The following CD86 variants were observed in gnomAD, a reference collection of about 807,000 sequenced individuals.
CD86 encodes the protein T-lymphocyte activation antigen CD86.
CD86 carries 11 observed loss-of-function variants against 32.1 expected under a neutral mutation model. The observed-to-expected ratio is 0.34, with a 90% CI of 0.22 to 0.57. The LOEUF (loss-of-function observed/expected upper bound fraction) is 0.57. Among genes scored for constraint, CD86 ranks in the 20% least tolerant of loss-of-function variants. The pLI is 0.86. For synonymous variants in CD86, 137 were observed against 135.3 expected (o/e 1.01, Z -0.09); for missense variants, 359 against 398.4 (o/e 0.90, Z 0.84).
intron 1 of CD86, among the ~76,000 whole-genome samples, chr3:122,069,261 T>C (rs2072456238): frequency 6.6e-6 from 1 of 151,550 alleles, no homozygotes; most frequent in African/African-American, 2.4e-5. Context: ...GTTAAGCATT[T>C]GTTAATTGAA....
At chr3:122,086,680 A>C in intron 1 of CD86, 1 of 452,272 alleles carries the variant, frequency 2.2e-6, no homozygotes, top group Non-Finnish European at 4.4e-6. Flanking sequence ...TGTTTGCAGA[A>C]TGAACAGCAG....
intron 2 of CD86, among the ~76,000 whole-genome samples, chr3:122,101,443 T>C (rs1413501846): frequency 1.4e-5 from 2 of 146,618 alleles, no homozygotes; most frequent in Non-Finnish European, 3.0e-5. Flanking sequence ...TAGACTGGTC[T>C]GTGAGTGGAC....
intron 1 of CD86, among the ~76,000 whole-genome samples, chr3:122,075,173 G>C (rs184028489): frequency 3.0e-4 from 45 of 152,204 alleles, no homozygotes; most frequent in Admixed American, 2.7e-3. Context: ...TTTAACAAAA[G>C]TGATCTTGTT....
chr3:122,117,774 T>C (rs890587996), intron 5 of CD86, among the ~76,000 whole-genome samples: 1 of 152,240 alleles, frequency 6.6e-6, no homozygotes, highest in African/African-American at 2.4e-5. Flanking sequence ...CCAATGGTAT[T>C]TTTTGGTTAG....
At chr3:122,077,227 G>A (rs1302899357) in intron 1 of CD86, among the ~76,000 whole-genome samples, 1 of 152,178 alleles carries the variant, frequency 6.6e-6, no homozygotes, top group East Asian at 1.9e-4. Flanking sequence ...TCACATACGA[G>A]TGAAACCTGT....
At position 122,055,390 on chromosome 3, in the gene CD86, G is replaced by A; in HGVS notation, c.-100G>A. Reference sequence around the variant, plus strand: ...CATTGCCGAGGAAGGCTTGCACAGGGTGAAAGCTTTGCTTCTCTGCTGCTG... The same window carrying A: ...CATTGCCGAGGAAGGCTTGCACAGGATGAAAGCTTTGCTTCTCTGCTGCTG... On this transcript the variant is annotated 5_prime_UTR_variant, in exon 1 of 7. In the 5' UTR this introduces an upstream ATG that the reference lacks. Transcript: ENST00000330540. 2.5e-6 allele frequency: 3 copies of A among 1,206,060 alleles called. 1 individual carries two copies. The highest frequency in any genetic ancestry group is 1.2e-5 in the South Asian group (1 of 81,558). The allele number at this position is 1,206,060 out of a possible 1,614,324, so 74.7% of individuals were successfully genotyped here.
chr3:122,105,043 T>C (rs1467203378), intron 3 of CD86, among the ~76,000 whole-genome samples: 1 of 152,082 alleles, frequency 6.6e-6, no homozygotes, highest in African/African-American at 2.4e-5. Context: ...AAAGTAAAAA[T>C]AGAATGGAGA....
In CD86 at chr3:122,103,796, C is replaced by T. The variant is rs1173409054; in HGVS notation, c.349C>T (p.Pro117Ser). ...TCAATGTATCATCCATCACAAAAAG[C>T]CCACAGGAATGATTCGCATCCACCA... ...LYQCIIHHKK[P>S]TGMIRIHQMN... Residue 117 changes from proline to serine, a missense_variant, in exon 3 of 7, where the codon CCC becomes TCC. Transcript: ENST00000330540. 1.2e-6 allele frequency: 2 copies of T among 1,613,974 alleles called. No homozygotes were observed. The highest frequency in any genetic ancestry group is 3.3e-5 in the Admixed American group (2 of 60,008).
At chr3:122,058,043 G>C (rs1471069930) in intron 1 of CD86, among the ~76,000 whole-genome samples, 1 of 152,146 alleles carries the variant, frequency 6.6e-6, no homozygotes, top group Non-Finnish European at 1.5e-5. Context: ...TGGGAGTATG[G>C]TAATATGTCG....
At chr3:122,084,230 G>T (rs2072680516) in intron 1 of CD86, among the ~76,000 whole-genome samples, 1 of 152,152 alleles carries the variant, frequency 6.6e-6, no homozygotes, top group Admixed American at 6.5e-5. Context: ...CAGGTAATCT[G>T]CCCACCTCGG....
chr3:122,062,033 AT>A (rs1440843286), intron 1 of CD86, among the ~76,000 whole-genome samples: 3 of 152,136 alleles, frequency 2.0e-5, no homozygotes, highest in African/African-American at 7.2e-5. Context: ...TTCCCTGTAC[AT>A]TTTTTCAACT....
intron 1 of CD86, among the ~76,000 whole-genome samples, chr3:122,080,826 C>A (rs1015900234): frequency 6.6e-6 from 1 of 152,152 alleles, no homozygotes; most frequent in East Asian, 1.9e-4. Context: ...GGATGGAGGA[C>A]GTCTCCACCT....
intron 3 of CD86, among the ~76,000 whole-genome samples, chr3:122,104,659 T>C (rs1279117084): frequency 6.6e-6 from 1 of 152,212 alleles, no homozygotes; most frequent in Non-Finnish European, 1.5e-5. Context: ...TCCTATAGTT[T>C]TGTCTTTTTG....
At position 122,070,094 on chromosome 3, in the gene CD86, T is replaced by G. The variant is rs534853855; in HGVS notation, c.14+14591T>G. Among the ~76,000 whole-genome samples the G allele has an allele frequency of 2.0e-5, 3 of 152,338 alleles. No homozygotes were observed. In the South Asian group the frequency reaches 6.2e-4, roughly 32 times the overall value. On this transcript the variant is annotated intron_variant, in intron 1 of 6. Coordinates refer to ENST00000330540, the MANE Select transcript of CD86 (RefSeq NM_175862.5). ...GTGTATTTTGCTGCTGAAGCCACCA[T>G]GTGATTTTGAGAGATAGTGAAGACA...
intron 1 of CD86, among the ~76,000 whole-genome samples, chr3:122,086,268 G>A (rs545329994): frequency 3.9e-5 from 6 of 152,010 alleles, no homozygotes; most frequent in South Asian, 2.1e-4. Flanking sequence ...CTGATACTCC[G>A]GTTACCACTA....
At chr3:122,069,877 T>C (rs1460426450) in intron 1 of CD86, among the ~76,000 whole-genome samples, 1 of 152,194 alleles carries the variant, frequency 6.6e-6, no homozygotes. Context: ...AGCTCTATCC[T>C]GAGCTCTGTC....
chr3:122,095,148 T>C (rs2072885956), intron 2 of CD86, among the ~76,000 whole-genome samples: 1 of 150,804 alleles, frequency 6.6e-6, no homozygotes, highest in African/African-American at 2.4e-5. Context: ...GGAGTGGTAG[T>C]TGGAATATTT....
chr3:122,086,504 T>C (rs1251764238), intron 1 of CD86: 3 of 444,488 alleles, frequency 6.7e-6, no homozygotes, highest in East Asian at 1.4e-4. Flanking sequence ...GTTCCTTCCT[T>C]TTCTGCCCAA....
At chr3:122,101,534 ATATAT>A (rs2073009641) in intron 2 of CD86, among the ~76,000 whole-genome samples, 5 of 137,058 alleles carry the variant, frequency 3.6e-5, no homozygotes, top group Non-Finnish European at 6.4e-5. Flanking sequence ...ATATATATAT[ATATAT>A]ATGTAAATCA....
Sources: gnomAD v4.1 joint callset for allele counts (sites outside exome capture counted in the v4.1 genomes callset) on GRCh38, gnomAD v4.1.1 for gene constraint, MANE v1.5 for transcripts, NCBI Gene and HGNC (gene_info 2026-07-23, HGNC 2026-07-21) for gene names.